Variants in IRAG1 observed in about 807,000 individuals in gnomAD.
IRAG1 encodes IP3R-associated cGMP kinase substrate.
IRAG1 carries 62 observed loss-of-function variants against 106.2 expected under a neutral mutation model. The observed-to-expected ratio is 0.58, with a 90% CI of 0.48 to 0.72. The LOEUF is 0.72. IRAG1 is among the 30% of genes least tolerant of loss of function. The pLI is 0.00. For synonymous variants in IRAG1, 462 were observed against 443.9 expected (o/e 1.04, Z -0.51); for missense variants, 1,064 against 1,140.7 (o/e 0.93, Z 0.97).
chr11:10,589,992 A>G (rs1852458477), intron 18 of IRAG1, among the ~76,000 whole-genome samples: 2 of 152,186 alleles, frequency 1.3e-5, no homozygotes. Context: ...AGTCTGTTGA[A>G]GAGATCTTCT....
At chr11:10,622,608 G>A (rs1200320942) in intron 10 of IRAG1, among the ~76,000 whole-genome samples, 1 of 152,034 alleles carries the variant, frequency 6.6e-6, no homozygotes, top group Non-Finnish European at 1.5e-5. Flanking sequence ...AGGCTCAAGC[G>A]ATCCTCCCAC....
intron 10 of IRAG1, among the ~76,000 whole-genome samples, chr11:10,613,289 TA>T (rs1306291123): frequency 1.3e-5 from 2 of 149,250 alleles, no homozygotes; most frequent in African/African-American, 4.9e-5. Flanking sequence ...CCCAGACATC[TA>T]CATGGGAAAG....
intron 20 of IRAG1, among the ~76,000 whole-genome samples, chr11:10,577,537 AT>A (rs1350245722): frequency 6.6e-6 from 1 of 152,198 alleles, no homozygotes; most frequent in African/African-American, 2.4e-5. Context: ...AATTTAAAAA[AT>A]AATATGAAAA....
At chr11:10,667,243 C>A (rs1024474998) in intron 1 of IRAG1, among the ~76,000 whole-genome samples, 2 of 151,770 alleles carry the variant, frequency 1.3e-5, no homozygotes, top group African/African-American at 4.8e-5. Flanking sequence ...CATCTCTTTT[C>A]CTCTGATCTT....
At chr11:10,636,585 T>TCCA (rs1434793005) in intron 2 of IRAG1, among the ~76,000 whole-genome samples, 2 of 152,252 alleles carry the variant, frequency 1.3e-5, no homozygotes, top group African/African-American at 4.8e-5. Flanking sequence ...TTTATGGTTA[T>TCCA]CCACCATGTG....
chr11:10,612,748 A>G (rs949158152), intron 10 of IRAG1, among the ~76,000 whole-genome samples: 11 of 152,196 alleles, frequency 7.2e-5, no homozygotes, highest in African/African-American at 2.7e-4. Context: ...AAAATGCAAA[A>G]GTATGCTTCT....
intron 15 of IRAG1, among the ~76,000 whole-genome samples, chr11:10,596,699 TC>T (rs1853352893): frequency 6.6e-6 from 1 of 152,240 alleles, no homozygotes; most frequent in Admixed American, 6.5e-5. Flanking sequence ...TCAATTTATT[TC>T]TCTGAACTAT....
At chr11:10,578,848 C>CTCTT (rs1851101779) in intron 20 of IRAG1, among the ~76,000 whole-genome samples, 1 of 152,060 alleles carries the variant, frequency 6.6e-6, no homozygotes, top group African/African-American at 2.4e-5. Context: ...CATGTACTCT[C>CTCTT]TCTCTGTTTA....
At chr11:10,680,236 A>T (rs116988594) in intron 1 of IRAG1, among the ~76,000 whole-genome samples, 1 of 146,628 alleles carries the variant, frequency 6.8e-6, no homozygotes, top group Non-Finnish European at 1.5e-5. Flanking sequence ...TTACACCACT[A>T]CACTCCAGTC....
At chr11:10,629,949 G>C (rs969575386) in intron 4 of IRAG1, 13 of 460,954 alleles carry the variant, frequency 2.8e-5, no homozygotes, top group African/African-American at 1.6e-4. Context: ...AGCCATCTCA[G>C]GTTCCCAGAA....
rs928797411 is a variant in IRAG1, at chr11:10,601,124, G to T, written c.1876-65C>A. 4 of 1,599,088 alleles carry T rather than the reference G, an allele frequency of 2.5e-6. No individual in the cohort carries two copies. The East Asian group carries it at 6.7e-5, about 27-fold the overall frequency. ...GGAAAGGCTCCGTTGGCACTTATTT[G>T]CTCTGACCTAGGGTCTGGGCTAGGA... On this transcript the variant is annotated intron_variant, in intron 14 of 20. Coordinates refer to ENST00000423302, the MANE Select transcript of IRAG1 (RefSeq NM_130385.4).
rs149038031 is a variant in IRAG1, at chr11:10,655,743, C to T, written c.68-3561G>A. Among the ~76,000 whole-genome samples the T allele has an allele frequency of 3.1e-3, 468 of 152,316 alleles. 5 individuals carry two copies. Among genetic ancestry groups the T allele is most frequent in the African/African-American group, 0.011 (439 of 41,558 alleles). On this transcript the variant is annotated intron_variant, in intron 1 of 20. Coordinates refer to ENST00000423302, the MANE Select transcript of IRAG1 (RefSeq NM_130385.4). ...ATGGTCTGAAGTCTCATGAGAAATA[C>T]CTCATTTTTTAACCCTCTACTTTCT...
chr11:10,626,617 G>A (rs768090096), intron 8 of IRAG1, 34 bp from the exon 9 acceptor site: 1 of 1,554,528 alleles, frequency 6.4e-7, no homozygotes, highest in East Asian at 2.3e-5. Flanking sequence ...GAACCCTCGG[G>A]GGCAGGTTGA....
chr11:10,583,395 G>A (rs911457003), intron 18 of IRAG1, among the ~76,000 whole-genome samples: 1 of 152,184 alleles, frequency 6.6e-6, no homozygotes, highest in Non-Finnish European at 1.5e-5. Context: ...AGTCTTGGGA[G>A]CCAGGAGACA....
At chr11:10,617,031 T>G (rs1344288002) in intron 10 of IRAG1, 2 of 296,746 alleles carry the variant, frequency 6.7e-6, no homozygotes, top group Non-Finnish European at 8.0e-6. Flanking sequence ...GGGGATAAAC[T>G]TTTTTTTACC....
At chr11:10,606,049 G>A (rs7123983) in intron 12 of IRAG1, among the ~76,000 whole-genome samples, 21 of 152,190 alleles carry the variant, frequency 1.4e-4, no homozygotes, top group African/African-American at 4.6e-4. Context: ...ATGGCTATGC[G>A]TGTGTTATAG....
chr11:10,623,722 T>C, intron 10 of IRAG1, 56 bp downstream of exon 10: 1 of 1,513,126 alleles, frequency 6.6e-7, no homozygotes, highest in Non-Finnish European at 9.2e-7. Flanking sequence ...CCTTCCTTGA[T>C]CTGGCACAGA....
chr11:10,681,055 G>T (rs1248761039), intron 1 of IRAG1, among the ~76,000 whole-genome samples: 2 of 152,164 alleles, frequency 1.3e-5, no homozygotes, highest in Non-Finnish European at 2.9e-5. Context: ...GTCTTTTCAA[G>T]TTCACCAGGT....
At chr11:10,627,915 G>C in intron 7 of IRAG1, 58 bp downstream of exon 7, 1 of 1,579,124 alleles carries the variant, frequency 6.3e-7, no homozygotes, top group Admixed American at 1.7e-5. Flanking sequence ...TGGTGTTCGG[G>C]GTAAGGGGAG....
Sources: allele counts gnomAD v4.1 joint callset (sites outside exome capture counted in the v4.1 genomes callset), GRCh38; gene constraint gnomAD v4.1.1; transcripts MANE v1.5; gene names NCBI Gene and HGNC (gene_info 2026-07-23, HGNC 2026-07-21).